The following EPHA7 variants were observed in gnomAD, a reference collection of about 807,000 sequenced individuals.
EPHA7 encodes the protein ephrin type-A receptor 7.
Under a neutral mutation model 112.6 loss-of-function variants are expected in EPHA7, and 25 were observed. The ratio of observed to expected loss-of-function variants is 0.22; its 90% CI spans 0.16 to 0.31. The LOEUF (loss-of-function observed/expected upper bound fraction) is 0.31. EPHA7 is among the 10% of genes least tolerant of loss of function. The pLI is 1.00. For missense variants in EPHA7, 962 were observed against 1,212.6 expected, an observed-to-expected ratio of 0.79 and a Z score of 3.07; for synonymous variants, 437 against 406.5, an observed-to-expected ratio of 1.07 and a Z score of -0.90.
chr6:93,256,684 C>T (rs1770454010), intron 12 of EPHA7, among the ~76,000 whole-genome samples: 1 of 152,040 alleles, frequency 6.6e-6, no homozygotes, highest in Admixed American at 6.6e-5. Context: ...CAAAAAATTA[C>T]TCCAGCTGAA....
chr6:93,354,665 A>G (rs1015894004), intron 5 of EPHA7, among the ~76,000 whole-genome samples: 6 of 150,052 alleles, frequency 4.0e-5, no homozygotes, highest in African/African-American at 1.5e-4. Context: ...CAGCCAACCT[A>G]GTTTGTTCTT....
intron 5 of EPHA7, among the ~76,000 whole-genome samples, chr6:93,274,293 T>C (rs1291697495): frequency 6.6e-6 from 1 of 151,928 alleles, no homozygotes; most frequent in Non-Finnish European, 1.5e-5. Flanking sequence ...CAGGAGACTC[T>C]GAATTCTTCA....
At chr6:93,376,761 T>C (rs888972664) in intron 3 of EPHA7, among the ~76,000 whole-genome samples, 3 of 152,156 alleles carry the variant, frequency 2.0e-5, no homozygotes, top group African/African-American at 7.2e-5. Context: ...AGTTAAAGAT[T>C]TGGGCAGACT....
At chr6:93,362,174 T>C (rs761887870) in intron 3 of EPHA7, among the ~76,000 whole-genome samples, 4 of 152,014 alleles carry the variant, frequency 2.6e-5, no homozygotes, top group Non-Finnish European at 4.4e-5. Context: ...AGATTTCATA[T>C]GTTAAGCAAG....
chr6:93,341,395 G>A (rs1242862757), intron 5 of EPHA7, among the ~76,000 whole-genome samples: 5 of 151,120 alleles, frequency 3.3e-5, no homozygotes, highest in African/African-American at 4.8e-5. Context: ...TTGAGTGTGC[G>A]TGTGTGTGTG....
At chr6:93,256,578 C>G (rs1012984910) in intron 12 of EPHA7, among the ~76,000 whole-genome samples, 2 of 152,014 alleles carry the variant, frequency 1.3e-5, no homozygotes, top group Admixed American at 1.3e-4. Flanking sequence ...CTGATAGGAG[C>G]ATTACTTGTA....
chr6:93,261,929 T>A (rs1486239655), intron 9 of EPHA7, among the ~76,000 whole-genome samples: 1 of 151,544 alleles, frequency 6.6e-6, no homozygotes, highest in Non-Finnish European at 1.5e-5. Flanking sequence ...ATGTTTCAAC[T>A]GACCTTCTGC....
chr6:93,404,495 A>G (rs982176639), intron 3 of EPHA7, among the ~76,000 whole-genome samples: 3 of 152,020 alleles, frequency 2.0e-5, no homozygotes, highest in Non-Finnish European at 2.9e-5. Context: ...CTCTGTGATC[A>G]TAAGTACTTA....
At chr6:93,351,900 A>G (rs1419000471) in intron 5 of EPHA7, among the ~76,000 whole-genome samples, 1 of 152,144 alleles carries the variant, frequency 6.6e-6, no homozygotes, top group Non-Finnish European at 1.5e-5. Context: ...CTCAATTTTT[A>G]CAATATGACG....
intron 3 of EPHA7, among the ~76,000 whole-genome samples, chr6:93,398,561 T>C (rs1009034217): frequency 6.7e-6 from 1 of 149,898 alleles, no homozygotes; most frequent in Admixed American, 6.7e-5. Context: ...TGCCAGTGTC[T>C]AAAACACTAT....
Position 93,356,952 on chromosome 6 carries a change from C to G in EPHA7, c.1089G>C (p.Val363=). 6.2e-7 allele frequency: 1 copy of G among 1,614,156 alleles called. No individual in the cohort carries two copies. Among genetic ancestry groups the G allele is most frequent in the Non-Finnish European group, 8.5e-7 (1 of 1,180,016 alleles). The change falls in exon 5 of 17, where the codon GTG becomes GTC. Residue 363 remains valine, a synonymous_variant. Coordinates refer to ENST00000369303, the MANE Select transcript of EPHA7 (RefSeq NM_004440.4). ...ACCGCTTACACAATATTCTGTAGGTCACATCGTTTCTTCCCCCATTGTCTG... is the reference window on the plus strand; with the variant it reads ...ACCGCTTACACAATATTCTGTAGGTGACATCGTTTCTTCCCCCATTGTCTG... The part of the protein sequence containing the change: ...PPADNGGRND[V]TYRILCKRCS...
chr6:93,359,374 T>C (rs1036239481), intron 3 of EPHA7, among the ~76,000 whole-genome samples: 4 of 150,396 alleles, frequency 2.7e-5, no homozygotes, highest in African/African-American at 9.7e-5. Flanking sequence ...TAATATAATA[T>C]ATTATATATT....
chr6:93,361,268 C>A (rs1776246779), intron 3 of EPHA7, among the ~76,000 whole-genome samples: 1 of 151,888 alleles, frequency 6.6e-6, no homozygotes, highest in Non-Finnish European at 1.5e-5. Context: ...TTGAAGCAAG[C>A]CAGTTTTCAT....
chr6:93,419,488 T>C lies in EPHA7; in HGVS notation c.-147A>G. On this transcript the variant is annotated 5_prime_UTR_variant, in exon 1 of 17. Transcript: ENST00000369303. ...CCCGATCGGCTGCTCCACGTTTAGC[T>C]TTTTTTAATTTCCCCCCCACTCCTG... is the stretch of plus-strand genomic sequence containing the variant. 2 of 620,222 alleles carry C rather than the reference T, an allele frequency of 3.2e-6. No homozygotes were observed. Among genetic ancestry groups the C allele is most frequent in the Non-Finnish European group, 5.5e-6 (2 of 364,174 alleles). 38.4% of individuals were successfully genotyped at this position (620,222 alleles called of 1,614,324 possible). A position where few individuals can be genotyped will look rare whatever the true frequency, so the allele number is the denominator to read the frequency against.
intron 3 of EPHA7, among the ~76,000 whole-genome samples, chr6:93,376,338 G>C (rs1384859781): frequency 6.6e-6 from 1 of 151,968 alleles, no homozygotes; most frequent in African/African-American, 2.4e-5. Context: ...ACAAGGCCTT[G>C]CTATATTGCT....
At chr6:93,319,055 G>A (rs1773941572) in intron 5 of EPHA7, among the ~76,000 whole-genome samples, 1 of 151,996 alleles carries the variant, frequency 6.6e-6, no homozygotes, top group African/African-American at 2.4e-5. Flanking sequence ...GGCCTCACAT[G>A]TTCACATCAC....
At chr6:93,399,743 T>C (rs1342840145) in intron 3 of EPHA7, among the ~76,000 whole-genome samples, 1 of 152,020 alleles carries the variant, frequency 6.6e-6, no homozygotes, top group Admixed American at 6.6e-5. Context: ...TGTGGTTGTG[T>C]GTGTGTATAT....
intron 5 of EPHA7, among the ~76,000 whole-genome samples, chr6:93,293,298 GT>G (rs1300165091): frequency 6.6e-6 from 1 of 151,886 alleles, no homozygotes; most frequent in East Asian, 1.9e-4. Flanking sequence ...TAAGAATTAT[GT>G]TTCAGAATAT....
At chr6:93,249,449 G>T (rs1010430333) in intron 14 of EPHA7, among the ~76,000 whole-genome samples, 2 of 152,046 alleles carry the variant, frequency 1.3e-5, no homozygotes, top group Non-Finnish European at 2.9e-5. Context: ...AGCAGATCAA[G>T]CTGGGAATAA....
Sources: allele counts gnomAD v4.1 joint callset (sites outside exome capture counted in the v4.1 genomes callset), GRCh38; gene constraint gnomAD v4.1.1; transcripts MANE v1.5; gene names NCBI Gene and HGNC (gene_info 2026-07-23, HGNC 2026-07-21).